LIMK2: variants seen among roughly 807,000 people sequenced by gnomAD.
LIMK2 encodes the protein LIM domain kinase 2.
In LIMK2, 35 loss-of-function variants were observed where a neutral mutation model predicts 75.7. That is an observed-to-expected ratio of 0.46 (90% CI 0.35 to 0.61). The LOEUF is 0.61. Among genes scored for constraint, LIMK2 ranks in the 20% least tolerant of loss-of-function variants. The pLI is 0.00. For synonymous variants in LIMK2, 301 were observed against 319.2 expected (o/e 0.94, Z 0.61); for missense variants, 623 against 831.0 (o/e 0.75, Z 3.08).
At chr22:31,213,872 G>A (rs2048368970) in intron 1 of LIMK2, among the ~76,000 whole-genome samples, 1 of 148,668 alleles carries the variant, frequency 6.7e-6, no homozygotes. Flanking sequence ...CTGGGGTGCA[G>A]TGGCACAATC....
At chr22:31,259,028 GA>G in intron 3 of LIMK2, 92 bp from the exon 4 acceptor site, 1 of 713,474 alleles carries the variant, frequency 1.4e-6, no homozygotes, top group Non-Finnish European at 2.5e-6. Context: ...GCCTTGCTTG[GA>G]GGTCATTCAC....
At chr22:31,213,332 CTA>C (rs971086010) in intron 1 of LIMK2, among the ~76,000 whole-genome samples, 8 of 139,216 alleles carry the variant, frequency 5.7e-5, no homozygotes, top group Admixed American at 1.5e-4. Context: ...CTTCTGTCTC[CTA>C]TGTTTCCCAG....
In LIMK2 at chr22:31,272,227, AT is replaced by A. The variant is rs34015226; in HGVS notation, c.1384-284del. ...AGGCGTGTGCCACCACGCCCAGCTA[AT>A]TTTTTTTTTTTTTTTTTTGTATTTT... On this transcript the variant is annotated intron_variant, in intron 12 of 15. Coordinates refer to ENST00000331728, the MANE Select transcript of LIMK2 (RefSeq NM_005569.4). Among the ~76,000 whole-genome samples, 265 of 131,016 alleles carry A rather than the reference AT, an allele frequency of 2.0e-3. 1 individual carries two copies. The highest frequency in any genetic ancestry group is 1.9e-3 in the African/African-American group (65 of 33,884). The allele number at this position is 131,016 out of a possible 152,430, so 86.0% of individuals were successfully genotyped here. A position where few individuals can be genotyped will look rare whatever the true frequency, so the allele number is the denominator to read the frequency against.
intron 2 of LIMK2, among the ~76,000 whole-genome samples, chr22:31,246,500 G>A (rs1393323826): frequency 6.6e-6 from 1 of 152,208 alleles, no homozygotes; most frequent in Admixed American, 6.5e-5. Context: ...ACGACAGTCT[G>A]TATGGCCTGC....
In LIMK2 at chr22:31,262,607, A is replaced by G. The variant is rs776172043; in HGVS notation, c.670A>G (p.Ile224Val). Residue 224 changes from isoleucine (I) to valine (V), a missense_variant, in exon 7 of 16, where the codon ATT becomes GTT. By Grantham distance (29) the Ile-to-Val change is conservative (BLOSUM62 3). This residue lies in a region of LIMK2 where 514 missense variants were observed against 661.3 expected (regional missense o/e 0.78). Coordinates refer to ENST00000331728, the MANE Select transcript of LIMK2 (RefSeq NM_005569.4). The surrounding 1 kb of genome is among the most constrained non-coding windows in gnomAD (Gnocchi z 5.0). ...CTCTTGGCCACAGGTGGAGGATGCA[A>G]TTAGCCAGACGAGCCAGACACTTCA... ...TLRVEEVEDA[I>V]SQTSQTLQLL... 8 of 1,612,330 alleles carry G rather than the reference A, an allele frequency of 5.0e-6. No individual in the cohort carries two copies. The Admixed American group carries it at 8.4e-5, about 17-fold the overall frequency.
At chr22:31,245,446 C>G (rs1204090193) in intron 2 of LIMK2, among the ~76,000 whole-genome samples, 1 of 152,194 alleles carries the variant, frequency 6.6e-6, no homozygotes. Flanking sequence ...GGATTACAGG[C>G]ATGTGCCACC....
At chr22:31,244,883 G>A (rs1330592246) in intron 2 of LIMK2, among the ~76,000 whole-genome samples, 1 of 152,176 alleles carries the variant, frequency 6.6e-6, no homozygotes, top group Non-Finnish European at 1.5e-5. Context: ...ATGGTAGAAC[G>A]TTGTCTATAA....
At chr22:31,266,880 G>A (rs747907309) in intron 8 of LIMK2, 104 bp from the exon 9 acceptor site, 2 of 769,536 alleles carry the variant, frequency 2.6e-6, no homozygotes, top group African/African-American at 1.7e-5. Context: ...ACCCGGCTCA[G>A]TGTGCCCTCC....
chr22:31,272,435 C>G, intron 12 of LIMK2, 95 bp from the exon 13 acceptor site: 1 of 1,183,546 alleles, frequency 8.4e-7, no homozygotes, highest in Non-Finnish European at 1.2e-6. Flanking sequence ...CACCTTTTCT[C>G]CCCTTCTCAG....
At chr22:31,231,107 C>T (rs1287873981) in intron 2 of LIMK2, among the ~76,000 whole-genome samples, 1 of 152,206 alleles carries the variant, frequency 6.6e-6, no homozygotes, top group Admixed American at 6.5e-5. Flanking sequence ...TCCTTGCCTG[C>T]AAGAGTCTCT....
intron 2 of LIMK2, among the ~76,000 whole-genome samples, chr22:31,238,258 T>C (rs2048596624): frequency 6.6e-6 from 1 of 152,152 alleles, no homozygotes; most frequent in Non-Finnish European, 1.5e-5. Flanking sequence ...ATAGGGTCCT[T>C]TGTGGCAACC....
intron 2 of LIMK2, among the ~76,000 whole-genome samples, chr22:31,251,443 T>C (rs2048724511): frequency 1.3e-5 from 2 of 152,172 alleles, no homozygotes; most frequent in South Asian, 4.1e-4. Flanking sequence ...TTGGATCAGG[T>C]GAATGGTTCC....
At chr22:31,228,928 C>G (rs1346478774) in intron 2 of LIMK2, among the ~76,000 whole-genome samples, 1 of 150,684 alleles carries the variant, frequency 6.6e-6, no homozygotes, top group Non-Finnish European at 1.5e-5. Flanking sequence ...AGCTGGGGGA[C>G]AGAGTGAAAC....
intron 2 of LIMK2, among the ~76,000 whole-genome samples, chr22:31,226,913 A>G (rs1266196932): frequency 6.6e-6 from 1 of 152,210 alleles, no homozygotes; most frequent in Non-Finnish European, 1.5e-5. Context: ...CCCTGCCTAT[A>G]GCTACATTAT....
At chr22:31,238,202 G>A (rs1370936025) in intron 2 of LIMK2, among the ~76,000 whole-genome samples, 2 of 151,924 alleles carry the variant, frequency 1.3e-5, no homozygotes, top group East Asian at 3.9e-4. Context: ...AGCAAAACTA[G>A]TACTGTATTC....
intron 1 of LIMK2, among the ~76,000 whole-genome samples, chr22:31,219,785 G>A (rs1027721315): frequency 1.3e-5 from 2 of 152,080 alleles, no homozygotes; most frequent in Non-Finnish European, 2.9e-5. Flanking sequence ...TGTTAGCCAG[G>A]ATGGCCTTGA....
rs1408770126 is a variant in LIMK2 at position 31,231,669 on chromosome 22, A to G, written c.116+5850A>G. On this transcript the variant is annotated intron_variant, in intron 2 of 15. Coordinates refer to ENST00000331728, the MANE Select transcript of LIMK2 (RefSeq NM_005569.4). ...TCTTTACTTTGAGAAGAGAGAACTA[A>G]GGACCCACAGATGTTTCACAGCTTC... Among the ~76,000 whole-genome samples, 3 of 152,214 alleles carry G rather than the reference A, an allele frequency of 2.0e-5. No individual in the cohort carries two copies. The East Asian group carries it at 5.8e-4, about 29-fold the overall frequency.
chr22:31,276,710 G>C, intron 15 of LIMK2: 7 of 1,352,452 alleles, frequency 5.2e-6, no homozygotes, highest in Non-Finnish European at 4.8e-6. Context: ...GCGGCACCGC[G>C]GGGGGCGCGG....
rs949794540 is a variant in LIMK2 at position 31,277,053 on chromosome 22, C to G, written c.1773-1244C>G. ...CCAGGGTCAAGGAGCTGCTGGTTGA[C>G]TGTTACAAACCCACAGAGGCCTTCA... is the stretch of plus-strand genomic sequence containing the variant. On this transcript the variant is annotated intron_variant, in intron 15 of 15. Transcript: ENST00000331728. 3.1e-5 allele frequency: 50 copies of G among 1,613,860 alleles called. No homozygotes were observed. The Admixed American group carries it at 7.3e-4, about 24-fold the overall frequency.
Sources: gnomAD v4.1 joint callset for allele counts (sites outside exome capture counted in the v4.1 genomes callset) on GRCh38, gnomAD v4.1.1 for gene constraint, gnomAD v4.1.1 regional missense constraint, Gnocchi (gnomAD v3.1) non-coding constraint, MANE v1.5 for transcripts, NCBI Gene and HGNC (gene_info 2026-07-23, HGNC 2026-07-21) for gene names.